The following MRPL1 variants were observed in gnomAD, a reference collection of about 807,000 sequenced individuals.
MRPL1 encodes mitochondrial ribosomal protein L1.
MRPL1 carries 28 observed loss-of-function variants against 38.0 expected under a neutral mutation model. That is an observed-to-expected ratio of 0.74 (90% CI 0.55 to 1.01). The LOEUF is 1.01. Ranked by LOEUF, MRPL1 falls within the 50% of genes least tolerant of loss-of-function variation. The pLI, the probability that MRPL1 is intolerant of heterozygous loss-of-function variation, is 0.00. For synonymous variants in MRPL1, 123 were observed against 126.7 expected (o/e 0.97, Z 0.20); for missense variants, 358 against 389.8 (o/e 0.92, Z 0.69).
chr4:77,921,479 G>C (rs978368751), intron 7 of MRPL1, among the ~76,000 whole-genome samples: 1 of 152,164 alleles, frequency 6.6e-6, no homozygotes, highest in Non-Finnish European at 1.5e-5. Context: ...ATATCTGAGA[G>C]AAAAGTATTC....
rs1735788626 is a variant in MRPL1, at chr4:77,890,806, G to C, written c.559-3333G>C. On this transcript the variant is annotated intron_variant, in intron 5 of 8. Coordinates refer to ENST00000315567, the MANE Select transcript of MRPL1 (RefSeq NM_020236.4). Reference sequence around the variant, plus strand: ...CAAAGTCTCAGGATACAAAATCAATGTGCAAAAATCACAAGCATTTCTATA... The same window carrying C: ...CAAAGTCTCAGGATACAAAATCAATCTGCAAAAATCACAAGCATTTCTATA... Among the ~76,000 whole-genome samples, 2 of 152,138 alleles carry C rather than the reference G, an allele frequency of 1.3e-5. 1 individual carries two copies. Among genetic ancestry groups the C allele is most frequent in the South Asian group, 4.1e-4 (2 of 4,824 alleles).
At chr4:77,883,177 C>A (rs1314797855) in intron 2 of MRPL1, 65 bp from the exon 3 acceptor site, 6 of 1,073,030 alleles carry the variant, frequency 5.6e-6, no homozygotes, top group Non-Finnish European at 7.6e-6. Context: ...TGTACACTGG[C>A]TTTTTTTTTA....
chr4:77,921,762 T>A (rs1347492561), intron 7 of MRPL1, among the ~76,000 whole-genome samples: 1 of 150,428 alleles, frequency 6.6e-6, no homozygotes, highest in Admixed American at 6.6e-5. Flanking sequence ...AGAAAAGCCT[T>A]TCGTGCAGAG....
Position 77,949,836 on chromosome 4 carries a change from G to A in MRPL1, c.817G>A (p.Ala273Thr). 6.2e-7 allele frequency: 1 copy of A among 1,611,466 alleles called. No homozygotes were observed. Among genetic ancestry groups the A allele is most frequent in the Non-Finnish European group, 8.5e-7 (1 of 1,178,684 alleles). The stretch of plus-strand genomic sequence containing the variant: ...TGACCAGATAGCTGCCAATCTGCAA[G>A]CAGTTATTAATGAAGTTTGTAGGCA... ...SSDQIAANLQ[A>T]VINEVCRHRP... The change falls in exon 8 of 9, where the codon GCA (alanine) becomes ACA (threonine). Residue 273 changes from alanine (A) to threonine (T), a missense_variant. Ala to Thr is a moderately conservative substitution (Grantham distance 58). Coordinates refer to ENST00000315567, the MANE Select transcript of MRPL1 (RefSeq NM_020236.4).
intron 8 of MRPL1, among the ~76,000 whole-genome samples, chr4:77,950,602 A>AT (rs1180340928): frequency 6.6e-6 from 1 of 152,164 alleles, no homozygotes; most frequent in Non-Finnish European, 1.5e-5. Flanking sequence ...ATCTTAAGCT[A>AT]TTTTTTACCT....
intron 2 of MRPL1, among the ~76,000 whole-genome samples, chr4:77,876,971 G>A (rs866508137): frequency 1.3e-5 from 2 of 152,150 alleles, no homozygotes; most frequent in Middle Eastern, 6.8e-3. Flanking sequence ...CGTGATCTTG[G>A]CTTACTGCAA....
chr4:77,877,397 A>T (rs778691972), intron 2 of MRPL1, among the ~76,000 whole-genome samples: 3 of 149,156 alleles, frequency 2.0e-5, no homozygotes, highest in Non-Finnish European at 4.4e-5. Flanking sequence ...AAATTTCTGT[A>T]GTTACCTTGT....
At chr4:77,914,874 C>T (rs1358524259) in intron 7 of MRPL1, among the ~76,000 whole-genome samples, 1 of 152,158 alleles carries the variant, frequency 6.6e-6, no homozygotes, top group Non-Finnish European at 1.5e-5. Context: ...CAATAAATGA[C>T]AACCAGGGGC....
chr4:77,871,307 A>G (rs551653398), intron 1 of MRPL1, among the ~76,000 whole-genome samples: 444 of 141,134 alleles, frequency 3.1e-3, no homozygotes, highest in Non-Finnish European at 5.5e-3. Context: ...CTATTATTAC[A>G]CTTTTTTTTT....
intron 7 of MRPL1, among the ~76,000 whole-genome samples, chr4:77,923,094 TTATC>T (rs1736618580): frequency 6.6e-6 from 1 of 152,210 alleles, no homozygotes; most frequent in South Asian, 2.1e-4. Context: ...TTTTTGTTAT[TTATC>T]TATTTATTTA....
At chr4:77,932,923 G>A (rs185498298) in intron 7 of MRPL1, among the ~76,000 whole-genome samples, 148 of 151,530 alleles carry the variant, frequency 9.8e-4, no homozygotes, top group African/African-American at 3.2e-3. Flanking sequence ...TTGAGAGAAG[G>A]GAACTTTCCT....
intron 7 of MRPL1, among the ~76,000 whole-genome samples, chr4:77,926,007 T>C (rs766595923): frequency 8.5e-5 from 13 of 152,236 alleles, no homozygotes; most frequent in African/African-American, 1.9e-4. Flanking sequence ...TGGTAACTTA[T>C]TAGAAAATTC....
chr4:77,944,226 T>C (rs971129176), intron 7 of MRPL1, among the ~76,000 whole-genome samples: 1 of 152,210 alleles, frequency 6.6e-6, no homozygotes, highest in Non-Finnish European at 1.5e-5. Context: ...CAGAGTACTA[T>C]GATGTGAACT....
chr4:77,878,379 T>C (rs1297738660), intron 2 of MRPL1, among the ~76,000 whole-genome samples: 1 of 152,210 alleles, frequency 6.6e-6, no homozygotes, highest in Admixed American at 6.5e-5. Flanking sequence ...GAATTCCAAA[T>C]ATTTCCATTC....
intron 7 of MRPL1, among the ~76,000 whole-genome samples, chr4:77,910,922 C>A (rs1736273353): frequency 6.6e-6 from 1 of 152,126 alleles, no homozygotes; most frequent in South Asian, 2.1e-4. Flanking sequence ...GACAGTACTT[C>A]TTGTTTCTTA....
chr4:77,894,583 T>C (rs1013148403), intron 6 of MRPL1, among the ~76,000 whole-genome samples: 1 of 152,152 alleles, frequency 6.6e-6, no homozygotes, highest in African/African-American at 2.4e-5. Context: ...CAATATAATA[T>C]GTATGCCCAT....
At chr4:77,934,148 G>C (rs183604858) in intron 7 of MRPL1, among the ~76,000 whole-genome samples, 1 of 152,200 alleles carries the variant, frequency 6.6e-6, no homozygotes. Flanking sequence ...GTCTGAAATT[G>C]TTACTTACTG....
intron 7 of MRPL1, among the ~76,000 whole-genome samples, chr4:77,918,397 C>A (rs919330074): frequency 6.6e-6 from 1 of 152,156 alleles, no homozygotes; most frequent in African/African-American, 2.4e-5. Flanking sequence ...TCCACCCCAC[C>A]TCTTTTTTGT....
At chr4:77,883,532 G>C in intron 3 of MRPL1, 32 bp downstream of exon 3, 1 of 1,535,180 alleles carries the variant, frequency 6.5e-7, no homozygotes, top group Non-Finnish European at 8.8e-7. Flanking sequence ...AAGTTTACCT[G>C]TGAACAGTGG....
Sources: allele counts gnomAD v4.1 joint callset (sites outside exome capture counted in the v4.1 genomes callset), GRCh38; gene constraint gnomAD v4.1.1; transcripts MANE v1.5; gene names NCBI Gene and HGNC (gene_info 2026-07-23, HGNC 2026-07-21).